The following IQCE variants were observed in gnomAD, a reference collection of about 807,000 sequenced individuals.
IQCE encodes the protein IQ motif containing E.
A neutral mutation model predicts 96.0 loss-of-function variants in IQCE; 115 were observed. The ratio of observed to expected loss-of-function variants is 1.20; its 90% confidence interval spans 1.03 to 1.40. The LOEUF (loss-of-function observed/expected upper bound fraction) is 1.40. IQCE is among the 40% of genes most tolerant of loss of function. The pLI is 0.00. For synonymous variants in IQCE, 412 were observed against 371.2 expected (o/e 1.11, Z -1.26); for missense variants, 1,041 against 909.1 (o/e 1.15, Z -1.87).
intron 8 of IQCE, among the ~76,000 whole-genome samples, chr7:2,580,777 G>C (rs1486838290): frequency 6.6e-6 from 1 of 152,214 alleles, no homozygotes; most frequent in Admixed American, 6.5e-5. Context: ...CCCCGTTTCT[G>C]TGAGAACAGA....
chr7:2,578,395 T>A, intron 7 of IQCE, 40 bp downstream of exon 7: 6 of 1,610,370 alleles, frequency 3.7e-6, no homozygotes, highest in Non-Finnish European at 5.1e-6. Flanking sequence ...AAGGGGAGGG[T>A]CCTCGGGGCA....
intron 18 of IQCE, among the ~76,000 whole-genome samples, chr7:2,603,723 A>G (rs1033905837): frequency 6.6e-6 from 1 of 152,152 alleles, no homozygotes; most frequent in African/African-American, 2.4e-5. Flanking sequence ...TTCACCGTTA[A>G]TAGCCGGCGC....
chr7:2,589,691 C>T (rs551476566), intron 13 of IQCE, among the ~76,000 whole-genome samples: 3 of 152,242 alleles, frequency 2.0e-5, no homozygotes, highest in African/African-American at 7.2e-5. Flanking sequence ...GGGGTCTGCG[C>T]GTGCCTCACT....
intron 1 of IQCE, among the ~76,000 whole-genome samples, chr7:2,563,375 TTGTGTGTGTG>T (rs143397539): frequency 5.3e-4 from 72 of 135,804 alleles, no homozygotes; most frequent in Non-Finnish European, 8.6e-4. Context: ...TAATTTTTTG[TTGTGTGTGTG>T]TGTGTGTGTG....
In IQCE at chr7:2,561,617, T is replaced by G. The variant is rs1780968311; in HGVS notation, c.36+2400T>G. On this transcript the variant is annotated intron_variant, in intron 1 of 21. Coordinates refer to ENST00000402050, the MANE Select transcript of IQCE (RefSeq NM_152558.5). The stretch of plus-strand genomic sequence containing the variant: ...TTTGTATTTTTGGTAGACACGGGGT[T>G]TCACCTTGTTAGCCAGGATGGTCTC... Among the ~76,000 whole-genome samples the G allele has an allele frequency of 2.0e-5, 3 of 151,882 alleles. No homozygotes were observed. In the South Asian group the frequency reaches 6.2e-4, roughly 32 times the overall value.
intron 14 of IQCE, among the ~76,000 whole-genome samples, chr7:2,592,208 C>T (rs941584894): frequency 6.6e-6 from 1 of 152,234 alleles, no homozygotes; most frequent in Non-Finnish European, 1.5e-5. Context: ...ACTGTCCTTA[C>T]CCCTCACGTG....
intron 14 of IQCE, among the ~76,000 whole-genome samples, chr7:2,591,972 C>T (rs1431097828): frequency 1.1e-5 from 1 of 93,700 alleles, no homozygotes; most frequent in Non-Finnish European, 2.2e-5. Context: ...CCACCGCACC[C>T]GGGCCTGCCT....
chr7:2,582,195 C>T (rs1434063110), intron 8 of IQCE: 9 of 400,104 alleles, frequency 2.2e-5, no homozygotes, highest in South Asian at 4.0e-5. Context: ...CTGAACTGGG[C>T]GGCCCTAGGG....
Position 2,568,948 on chromosome 7 carries a change from T to C in IQCE, c.85-6T>C, listed in dbSNP as rs770213756. 16 of 1,612,404 alleles carry C rather than the reference T, an allele frequency of 9.9e-6. No homozygotes were observed. Among genetic ancestry groups the C allele is most frequent in the Non-Finnish European group, 1.3e-5 (15 of 1,179,960 alleles). ...CAAGCCTTATGCCATTTCTTCTTTC[T>C]TTCAGAAAGCAAAAAGGAAAGCTTT... is the stretch of plus-strand genomic sequence containing the variant. On this transcript the variant is annotated splice_region_variant and splice_polypyrimidine_tract_variant and intron_variant, in intron 2 of 21. Transcript: ENST00000402050.
chr7:2,586,088 C>G, intron 11 of IQCE, 120 bp from the exon 12 acceptor site: 1 of 950,610 alleles, frequency 1.1e-6, no homozygotes, highest in Non-Finnish European at 1.5e-6. Context: ...TACTCACCTG[C>G]AAAAACCACT....
chr7:2,594,829 C>T lies in IQCE; in HGVS notation c.1350-57C>T, dbSNP rs112801104. The T allele has an allele frequency of 2.0e-4, 259 of 1,295,802 alleles. 1 individual carries two copies. The highest frequency in any genetic ancestry group is 9.9e-4 in the African/African-American group (68 of 68,542). The allele number at this position is 1,295,802 out of a possible 1,614,324, so 80.3% of individuals were successfully genotyped here. A position where few individuals can be genotyped will look rare whatever the true frequency, so the allele number is the denominator to read the frequency against. ...CCGCCCGCCCCACCCTGCCCTGTGC[C>T]GGCCTTCATCACATAGTGACAGGTG... On this transcript the variant is annotated intron_variant, in intron 15 of 21. Coordinates refer to ENST00000402050, the MANE Select transcript of IQCE (RefSeq NM_152558.5).
intron 6 of IQCE, among the ~76,000 whole-genome samples, chr7:2,575,810 A>G (rs1397517965): frequency 6.6e-6 from 1 of 152,156 alleles, no homozygotes; most frequent in Non-Finnish European, 1.5e-5. Context: ...GGCAGAAAGA[A>G]AACTGAAGGA....
At position 2,559,155 on chromosome 7, in the gene IQCE, G is replaced by T; in HGVS notation, c.-27G>T. ...CCCGGACGCCCGAGCCAGCAACCCT[G>T]AGGGGCGGCCGGGCAGCGCCGCCAC... On this transcript the variant is annotated 5_prime_UTR_variant, in exon 1 of 22. The change abolishes the stop of an existing upstream ORF in the 5' untranslated region. Coordinates refer to ENST00000402050, the MANE Select transcript of IQCE (RefSeq NM_152558.5). 1 of 1,207,218 alleles carries T rather than the reference G, an allele frequency of 8.3e-7. No individual in the cohort carries two copies. The allele number at this position is 1,207,218 out of a possible 1,614,324, so 74.8% of individuals were successfully genotyped here. A position where few individuals can be genotyped will look rare whatever the true frequency, so the allele number is the denominator to read the frequency against.
rs777792578 is a variant in IQCE, at chr7:2,598,462, C to T, written c.1441-3C>T. On this transcript the variant is annotated splice_polypyrimidine_tract_variant and splice_region_variant and intron_variant, in intron 16 of 21. Coordinates refer to ENST00000402050, the MANE Select transcript of IQCE (RefSeq NM_152558.5). ...GTCCTCTTACTCCTTCAATTTCCTG[C>T]AGGCCCAAGAGCTCCCAGCTCCCAC... is the stretch of plus-strand genomic sequence containing the variant. 2.6e-6 allele frequency: 4 copies of T among 1,563,450 alleles called. No homozygotes were observed. The highest frequency in any genetic ancestry group is 2.3e-5 in the East Asian group (1 of 43,666).
chr7:2,567,188 TGCGACCTCGG>T (rs970900339), intron 2 of IQCE, 25 bp downstream of exon 2: 2 of 1,607,150 alleles, frequency 1.2e-6, no homozygotes, highest in Admixed American at 3.3e-5. Flanking sequence ...GTGTCAGCCG[TGCGACCTCGG>T]GCTGGTTGCG....
chr7:2,582,640 G>A lies in IQCE; in HGVS notation c.691G>A (p.Gly231Ser). Residue 231 changes from glycine to serine, a missense_variant, in exon 9 of 22, where the codon GGC becomes AGC. Coordinates refer to ENST00000402050, the MANE Select transcript of IQCE (RefSeq NM_152558.5). ...KLEQQCKEKD[G>S]TISKLQTDMK... ...GGAACAGCAGTGCAAGGAGAAGGAC[G>A]GCACCATCAGGTGGGCGCAGGGCTG... is the stretch of plus-strand genomic sequence containing the variant. 3 of 1,613,818 alleles carry A rather than the reference G, an allele frequency of 1.9e-6. No individual in the cohort carries two copies. The highest frequency in any genetic ancestry group is 1.1e-5 in the South Asian group (1 of 91,036).
chr7:2,606,268 G>A (rs950282929), intron 20 of IQCE, among the ~76,000 whole-genome samples: 6 of 152,188 alleles, frequency 3.9e-5, no homozygotes, highest in East Asian at 1.9e-4. Flanking sequence ...GATGAGAAGA[G>A]GAGCTTCACA....
At chr7:2,601,267 C>T (rs1784411538) in intron 17 of IQCE, among the ~76,000 whole-genome samples, 174 bp from the exon 18 acceptor site, 1 of 152,206 alleles carries the variant, frequency 6.6e-6, no homozygotes, top group African/African-American at 2.4e-5. Flanking sequence ...TCACTTTCGT[C>T]CTCCTTACAA....
intron 20 of IQCE, 89 bp from the exon 21 acceptor site, chr7:2,607,035 C>A: frequency 8.0e-7 from 1 of 1,248,674 alleles, no homozygotes; most frequent in East Asian, 2.5e-5. Context: ...ATACTTGCCT[C>A]CAAGCAAATT....
Sources: allele counts gnomAD v4.1 joint callset (sites outside exome capture counted in the v4.1 genomes callset), GRCh38; gene constraint gnomAD v4.1.1; transcripts MANE v1.5; gene names NCBI Gene and HGNC (gene_info 2026-07-23, HGNC 2026-07-21).